ZNF467: variants seen among roughly 807,000 people sequenced by gnomAD.
ZNF467 encodes the protein zinc finger protein EZI.
In ZNF467, 51 loss-of-function variants were observed where a neutral mutation model predicts 47.8. The observed-to-expected ratio is 1.07, with a 90% CI of 0.85 to 1.35. The LOEUF is 1.35. Ranked by LOEUF, ZNF467 falls within the 40% of genes most tolerant of loss-of-function variation. ZNF467 has a pLI of 0.00. For synonymous variants in ZNF467, 416 were observed against 372.9 expected, an observed-to-expected ratio of 1.12 and a Z score of -1.33; for missense variants, 992 against 858.1, an observed-to-expected ratio of 1.16 and a Z score of -1.95.
At chr7:149,771,114 C>A (rs1453560340) in intron 1 of ZNF467, 40 bp from the exon 2 acceptor site, 1 of 1,579,518 alleles carries the variant, frequency 6.3e-7, no homozygotes, top group Non-Finnish European at 8.7e-7. Context: ...TTTTCCCACG[C>A]CAGCTTCCAC....
At chr7:149,775,708 T>TACACACACACACACACAC (rs3085320), upstream of ZNF467, among the ~76,000 whole-genome samples, 4 of 138,896 alleles carry the variant, frequency 2.9e-5, no homozygotes, top group African/African-American at 1.1e-4. Flanking sequence ...AGTGTGAAAA[T>TACACACACACACACACAC]ACACACACAC....
At position 149,769,436 on chromosome 7, in the gene ZNF467, A is replaced by G. The variant is rs1799321887; in HGVS notation, c.152-236T>C. Among the ~76,000 whole-genome samples, 1 of 152,126 alleles carries G rather than the reference A, an allele frequency of 6.6e-6. No individual in the cohort carries two copies. The highest frequency in any genetic ancestry group is 1.5e-5 in the Non-Finnish European group (1 of 68,000). On this transcript the variant is annotated intron_variant, in intron 3 of 4. Transcript: ENST00000302017. This position sits in a 1 kb window ranked among gnomAD's most constrained non-coding sequence, Gnocchi z 5.3. ...GTAATGAGATGGACTACAAGGTTACAAGAGCCACCACTGTGAAGAGTTCCT... is the reference window on the plus strand; with the variant it reads ...GTAATGAGATGGACTACAAGGTTACGAGAGCCACCACTGTGAAGAGTTCCT...
upstream of ZNF467, among the ~76,000 whole-genome samples, chr7:149,773,645 TG>T (rs1036093036): frequency 1.5e-4 from 4 of 27,096 alleles, no homozygotes; most frequent in African/African-American, 3.0e-4. Context: ...CGCGAACGGG[TG>T]GGGGGGTGGC....
At chr7:149,770,175 T>G (rs1262413204) in intron 3 of ZNF467, among the ~76,000 whole-genome samples, 1 of 152,090 alleles carries the variant, frequency 6.6e-6, no homozygotes, top group Non-Finnish European at 1.5e-5. Context: ...TTTCCTTATT[T>G]ATTGTTTGCT....
At chr7:149,771,186 T>G in intron 1 of ZNF467, 112 bp from the exon 2 acceptor site, 1 of 814,244 alleles carries the variant, frequency 1.2e-6, no homozygotes, top group Non-Finnish European at 2.0e-6. Context: ...AAAGGTGACA[T>G]CCCCAGGTAC....
At chr7:149,766,804 C>G (rs1799238277) in intron 4 of ZNF467, among the ~76,000 whole-genome samples, 1 of 152,214 alleles carries the variant, frequency 6.6e-6, no homozygotes, top group South Asian at 2.1e-4. Context: ...GCTCTCTAAC[C>G]CCTACCCCCA....
At chr7:149,770,949 C>T in intron 2 of ZNF467, 50 bp downstream of exon 2, 3 of 1,613,666 alleles carry the variant, frequency 1.9e-6, no homozygotes, top group Non-Finnish European at 2.5e-6. Context: ...GTAGATGCCC[C>T]TGAATCCTCC....
upstream of ZNF467, among the ~76,000 whole-genome samples, chr7:149,774,123 C>T (rs1799512377): frequency 6.6e-6 from 1 of 151,556 alleles, no homozygotes; most frequent in African/African-American, 2.4e-5. This position sits in a 1 kb window ranked among gnomAD's most constrained non-coding sequence, Gnocchi z 5.7. Flanking sequence ...GAGGGGAGGG[C>T]TCTATGGGCG....
intron 1 of ZNF467, among the ~76,000 whole-genome samples, chr7:149,772,650 C>T (rs115631367): frequency 6.7e-6 from 1 of 148,842 alleles, no homozygotes; most frequent in Non-Finnish European, 1.5e-5. Context: ...CCAAGCAGCT[C>T]CGATCGCCGA....
In ZNF467 at chr7:149,764,780, G is replaced by T. The variant is rs376354036; in HGVS notation, c.1722C>A (p.Asp574Glu). 8 of 1,523,660 alleles carry T rather than the reference G, an allele frequency of 5.3e-6. No individual in the cohort carries two copies. The African/African-American group carries it at 1.1e-4, about 21-fold the overall frequency. The allele number at this position is 1,523,660 out of a possible 1,614,324, so 94.4% of individuals were successfully genotyped here. The change falls in exon 5 of 5, where the codon GAC (aspartate) becomes GAA (glutamate). Residue 574 changes from aspartate to glutamate, a missense_variant. By Grantham distance (45) the Asp-to-Glu change is conservative (BLOSUM62 2). Transcript: ENST00000302017. ...ACCAGGCTGGGGCCGCAAGGGCGGC[G>T]TCCGGGGCCGCGTGGGCGGCTTCGC... is the stretch of plus-strand genomic sequence containing the variant. ...IHGEAAHAAP[D>E]AALAAPAWSA...
chr7:149,775,318 A>G (rs572799272), upstream of ZNF467, among the ~76,000 whole-genome samples: 13 of 152,256 alleles, frequency 8.5e-5, no homozygotes, highest in Admixed American at 4.6e-4. Context: ...TTGCCCACGC[A>G]TCTCCACACA....
chr7:149,770,947 C>T lies in ZNF467; in HGVS notation c.34+52G>A, dbSNP rs144469742. The T allele has an allele frequency of 5.7e-4, 916 of 1,613,122 alleles. 8 individuals are homozygous for T. The East Asian group carries it at 0.013, about 23-fold the overall frequency. On this transcript the variant is annotated intron_variant, in intron 2 of 4. Coordinates refer to ENST00000302017, the MANE Select transcript of ZNF467 (RefSeq NM_207336.3). ...GCTCTGCTGTCTGAGTTGTAGATGC[C>T]CCTGAATCCTCCTAAGCTTTTCCCC...
chr7:149,770,375 T>A lies in ZNF467; in HGVS notation c.151+65A>T, dbSNP rs1402505363. On this transcript the variant is annotated intron_variant, in intron 3 of 4. Transcript: ENST00000302017. Reference sequence around the variant, plus strand: ...GGGGGGAGGGAAGAAGGGAGAGAGGTAGGGAGGGCAGGAGGAAAGCAGGGG... The same window carrying A: ...GGGGGGAGGGAAGAAGGGAGAGAGGAAGGGAGGGCAGGAGGAAAGCAGGGG... 3.9e-6 allele frequency: 4 copies of A among 1,037,322 alleles called. No homozygotes were observed. The African/African-American group carries it at 7.1e-5, about 18-fold the overall frequency. The allele number at this position is 1,037,322 out of a possible 1,614,324, so 64.3% of individuals were successfully genotyped here.
chr7:149,768,431 T>C (rs1186092780), intron 4 of ZNF467, among the ~76,000 whole-genome samples: 1 of 152,236 alleles, frequency 6.6e-6, no homozygotes, highest in Non-Finnish European at 1.5e-5. Flanking sequence ...GGCACTCAGC[T>C]AGTAAATGCA....
upstream of ZNF467, chr7:149,776,383 G>A (rs77871926): frequency 0.019 from 25,607 of 1,363,746 alleles, 1,458 homozygotes; most frequent in African/African-American, 0.19. Flanking sequence ...CCGTGTGGAG[G>A]AGGAAGTGGC....
In ZNF467 at chr7:149,769,846, A is replaced by G. The variant is rs900494170; in HGVS notation, c.151+594T>C. ...CAGGCATGAGCCACCACATCCAGCT[A>G]ACTTTTAATTTTTTGTGGAGACAGG... is the stretch of plus-strand genomic sequence containing the variant. On this transcript the variant is annotated intron_variant, in intron 3 of 4. Coordinates refer to ENST00000302017, the MANE Select transcript of ZNF467 (RefSeq NM_207336.3). This position sits in a 1 kb window ranked among gnomAD's most constrained non-coding sequence, Gnocchi z 5.3. 1.3e-5 allele frequency among the ~76,000 whole-genome samples: 2 copies of G among 152,094 alleles called. No homozygotes were observed. The highest frequency in any genetic ancestry group is 2.4e-5 in the African/African-American group (1 of 41,412).
At chr7:149,766,328 G>T in intron 4 of ZNF467, 89 bp from the exon 5 acceptor site, 3 of 1,493,452 alleles carry the variant, frequency 2.0e-6, no homozygotes, top group Non-Finnish European at 2.7e-6. Context: ...GGAGCCCCGC[G>T]GTCTGGCTCT....
At position 149,766,175 on chromosome 7, in the gene ZNF467, G is replaced by T. The variant is rs912665608; in HGVS notation, c.327C>A (p.Val109=). The T allele has an allele frequency of 1.3e-6, 2 of 1,564,424 alleles. No homozygotes were observed. The highest frequency in any genetic ancestry group is 1.2e-5 in the South Asian group (1 of 85,522). Residue 109 remains valine, a synonymous_variant, in exon 5 of 5, where the codon GTC becomes GTA. Transcript: ENST00000302017. ...EDEDQEAEEE[V]EWPQHLSLLP... ...GTAACGATAGATGCTGGGGCCATTC[G>T]ACCTCCTCTTCTGCCTCCTGATCTT... is the stretch of plus-strand genomic sequence containing the variant.
rs530667868 is a variant in ZNF467 at position 149,766,154 on chromosome 7, C to G, written c.348G>C (p.Ser116=). Residue 116 remains serine, a synonymous_variant, in exon 5 of 5, where the codon TCG becomes TCC. Coordinates refer to ENST00000302017, the MANE Select transcript of ZNF467 (RefSeq NM_207336.3). ...EEEVEWPQHL[S]LLPSPFPAPD... ...GCGCGGGAAAGGGGCTGGGAAGTAA[C>G]GATAGATGCTGGGGCCATTCGACCT... 5 of 1,593,358 alleles carry G rather than the reference C, an allele frequency of 3.1e-6. No homozygotes were observed. The highest frequency in any genetic ancestry group is 1.3e-5 in the African/African-American group (1 of 74,412).
Sources: allele counts gnomAD v4.1 joint callset (sites outside exome capture counted in the v4.1 genomes callset), GRCh38; gene constraint gnomAD v4.1.1; non-coding constraint Gnocchi (gnomAD v3.1); transcripts MANE v1.5; gene names NCBI Gene and HGNC (gene_info 2026-07-23, HGNC 2026-07-21).